ASPSCR1: variants seen among roughly 807,000 people sequenced by gnomAD.
ASPSCR1 encodes ASPSCR1 tether for SLC2A4, UBX domain containing, also known as tether containing UBX domain for GLUT4.
In ASPSCR1, 55 loss-of-function variants were observed where a neutral mutation model predicts 68.9. The observed-to-expected ratio is 0.80, with a 90% CI of 0.64 to 1.00. The LOEUF (loss-of-function observed/expected upper bound fraction) is 1.00, where lower values mean the gene tolerates loss of function less well. ASPSCR1 is among the 50% of genes least tolerant of loss of function. The pLI is 0.00. For synonymous variants in ASPSCR1, 352 were observed against 332.6 expected (o/e 1.06, Z -0.63); for missense variants, 765 against 762.2 (o/e 1.00, Z -0.04).
chr17:81,998,873 A>T (rs927939224), intron 7 of ASPSCR1, among the ~76,000 whole-genome samples: 2 of 152,316 alleles, frequency 1.3e-5, no homozygotes, highest in East Asian at 3.9e-4. Context: ...CTTGGCGGGG[A>T]GTGCATGCAG....
In ASPSCR1 at chr17:81,997,147, T is replaced by TGGGC. The variant is rs1567973493; in HGVS notation, c.933+301_933+302insGGGC. Reference sequence around the variant, plus strand: ...GTGTGGGCTCCGGGATGAGGCCGTGTTGGCTCCATGACAAGGCGGCAACTG... The same window carrying TGGGC: ...GTGTGGGCTCCGGGATGAGGCCGTGTGGGCTGGCTCCATGACAAGGCGGCAACTG... On this transcript the variant is annotated intron_variant, in intron 7 of 15. Coordinates refer to ENST00000306739, the MANE Select transcript of ASPSCR1 (RefSeq NM_024083.4). Among the ~76,000 whole-genome samples the TGGGC allele has an allele frequency of 8.5e-5, 13 of 152,222 alleles. 1 individual carries two copies. Among genetic ancestry groups the TGGGC allele is most frequent in the South Asian group, 6.2e-4 (3 of 4,820 alleles).
At chr17:81,995,287 G>T (rs186418945) in intron 5 of ASPSCR1, 72 of 369,374 alleles carry the variant, frequency 1.9e-4, no homozygotes, top group Non-Finnish European at 2.2e-4. Flanking sequence ...TTGCTGGGGT[G>T]GGGGGGCACT....
intron 5 of ASPSCR1, 88 bp from the exon 6 acceptor site, chr17:81,995,904 G>A (rs1167168502): frequency 7.6e-7 from 1 of 1,321,394 alleles, no homozygotes; most frequent in Non-Finnish European, 1.1e-6. Flanking sequence ...CGTGGCCTGT[G>A]GTCCTGGTGG....
At chr17:82,003,354 G>A (rs938200176) in intron 7 of ASPSCR1, among the ~76,000 whole-genome samples, 13 of 152,186 alleles carry the variant, frequency 8.5e-5, no homozygotes, top group Admixed American at 4.6e-4. Flanking sequence ...AGGCTGAGAC[G>A]GGAGGATTGC....
chr17:82,015,349 C>A, intron 12 of ASPSCR1: 1 of 1,597,574 alleles, frequency 6.3e-7, no homozygotes, highest in Non-Finnish European at 8.5e-7. Context: ...CACGTGGGGA[C>A]AGGCCGGGTA....
intron 7 of ASPSCR1, chr17:82,005,538 A>G (rs1048257578): frequency 1.3e-5 from 2 of 152,130 alleles, no homozygotes; most frequent in Non-Finnish European, 2.9e-5. Flanking sequence ...GCCCCCAGGG[A>G]CACCTGGCGG....
rs2042129651 is a variant in ASPSCR1, at chr17:81,990,624, T to TG, written c.375-4197_375-4196insG. Among the ~76,000 whole-genome samples, 2 of 151,964 alleles carry TG rather than the reference T, an allele frequency of 1.3e-5. No individual in the cohort carries two copies. Among genetic ancestry groups the TG allele is most frequent in the African/African-American group, 2.4e-5 (1 of 41,380 alleles). ...TCTGCCTGCCTGGTGGGCCTGTGTC[T>TG]AGTTTGAGATCTTTATTACGGGGAG... On this transcript the variant is annotated intron_variant, in intron 4 of 15. Transcript: ENST00000306739. This position sits in a 1 kb window ranked among gnomAD's most constrained non-coding sequence, Gnocchi z 4.1.
At chr17:81,989,988 A>G (rs1478411623) in intron 4 of ASPSCR1, among the ~76,000 whole-genome samples, 1 of 152,040 alleles carries the variant, frequency 6.6e-6, no homozygotes, top group African/African-American at 2.4e-5. Flanking sequence ...ACAGGGTTTC[A>G]CCATGTTGGC....
chr17:81,984,522 A>G (rs2041900280), intron 3 of ASPSCR1, among the ~76,000 whole-genome samples: 1 of 151,558 alleles, frequency 6.6e-6, no homozygotes, highest in Non-Finnish European at 1.5e-5. Flanking sequence ...GCTTGCAGTG[A>G]GCCGAGATTG....
chr17:82,009,786 C>T (rs572896905), intron 9 of ASPSCR1: 4 of 386,920 alleles, frequency 1.0e-5, no homozygotes, highest in Non-Finnish European at 1.9e-5. Flanking sequence ...TCTGAGGGGG[C>T]CCCCTGTGAG....
Position 81,983,776 on chromosome 17 carries a change from T to G in ASPSCR1, c.273+108T>G, listed in dbSNP as rs771709282. 2.6e-4 allele frequency: 241 copies of G among 915,576 alleles called. No homozygotes were observed. Among genetic ancestry groups the G allele is most frequent in the Non-Finnish European group, 3.1e-4 (183 of 592,712 alleles). The allele number at this position is 915,576 out of a possible 1,614,324, so 56.7% of individuals were successfully genotyped here. A position where few individuals can be genotyped will look rare whatever the true frequency, so the allele number is the denominator to read the frequency against. On this transcript the variant is annotated intron_variant, in intron 3 of 15. Transcript: ENST00000306739. This position sits in a 1 kb window ranked among gnomAD's most constrained non-coding sequence, Gnocchi z 4.4. ...GGTGCTGGGGAAGGAGGGACATGAG[T>G]CTTAGCACCAGTTCTGCCTTCCCTG... is the stretch of plus-strand genomic sequence containing the variant.
intron 7 of ASPSCR1, chr17:82,004,639 G>A (rs2042648589): frequency 6.6e-6 from 1 of 152,190 alleles, no homozygotes; most frequent in Non-Finnish European, 1.5e-5. Context: ...CCCCCACCCT[G>A]TGGCGCATTT....
chr17:81,985,229 C>T (rs115648781), intron 3 of ASPSCR1, among the ~76,000 whole-genome samples: 3,073 of 151,144 alleles, frequency 0.02, 97 homozygotes, highest in African/African-American at 0.069. Context: ...TGCACACCCC[C>T]GCACACACCC....
chr17:82,000,374 T>C (rs1382956159), intron 7 of ASPSCR1, among the ~76,000 whole-genome samples: 1 of 152,092 alleles, frequency 6.6e-6, no homozygotes, highest in Non-Finnish European at 1.5e-5. Context: ...CTGGCCTGCA[T>C]GGCGTGCTGA....
intron 3 of ASPSCR1, among the ~76,000 whole-genome samples, chr17:81,984,789 A>C (rs983009696): frequency 6.7e-6 from 1 of 149,016 alleles, no homozygotes; most frequent in Admixed American, 6.7e-5. Flanking sequence ...ACACCCACAC[A>C]CACCCCCACA....
intron 12 of ASPSCR1, chr17:82,014,881 G>A: frequency 2.9e-6 from 2 of 699,920 alleles, no homozygotes; most frequent in Non-Finnish European, 4.6e-6. Flanking sequence ...CCGGCTCCAG[G>A]CCCTCAGGCT....
intron 7 of ASPSCR1, chr17:82,004,484 G>A (rs1011792668): frequency 6.6e-6 from 1 of 152,380 alleles, no homozygotes; most frequent in Non-Finnish European, 1.5e-5. Flanking sequence ...AGCATGCAGG[G>A]GCTTCACCTG....
intron 1 of ASPSCR1, 54 bp from the exon 2 acceptor site, chr17:81,979,130 C>T (rs758677505): frequency 3.3e-5 from 53 of 1,592,832 alleles, no homozygotes; most frequent in South Asian, 3.0e-4. Flanking sequence ...TGGCCCACTG[C>T]GCCCGCCAGC....
At chr17:81,992,995 T>G (rs1478738358) in intron 4 of ASPSCR1, among the ~76,000 whole-genome samples, 1 of 152,150 alleles carries the variant, frequency 6.6e-6, no homozygotes, top group Non-Finnish European at 1.5e-5. Context: ...GACCAGGCTG[T>G]CAGAGTCGGG....
Sources: allele counts gnomAD v4.1 joint callset (sites outside exome capture counted in the v4.1 genomes callset), GRCh38; gene constraint gnomAD v4.1.1; non-coding constraint Gnocchi (gnomAD v3.1); transcripts MANE v1.5; gene names NCBI Gene and HGNC (gene_info 2026-07-23, HGNC 2026-07-21).